ZDHHC14: variants seen among roughly 807,000 people sequenced by gnomAD.
The protein encoded by ZDHHC14 is zDHHC palmitoyltransferase 14, also known as palmitoyltransferase ZDHHC14.
Under a neutral mutation model 47.7 loss-of-function variants are expected in ZDHHC14, and 16 were observed. The ratio of observed to expected loss-of-function variants is 0.34; its 90% confidence interval spans 0.23 to 0.51. The LOEUF is 0.51. ZDHHC14 is among the 20% of genes least tolerant of loss of function. The pLI is 0.97. For missense variants in ZDHHC14, 515 were observed against 662.5 expected, an observed-to-expected ratio of 0.78 and a Z score of 2.44; for synonymous variants, 293 against 278.9, an observed-to-expected ratio of 1.05 and a Z score of -0.50.
At position 157,673,059 on chromosome 6, in the gene ZDHHC14, G is replaced by T. The variant is rs1387664292; in HGVS notation, c.1404G>T (p.Leu468=). The T allele has an allele frequency of 6.4e-7, 1 of 1,568,812 alleles. No individual in the cohort carries two copies. The highest frequency in any genetic ancestry group is 8.6e-7 in the Non-Finnish European group (1 of 1,164,960). Residue 468 remains leucine, a synonymous_variant, in exon 9 of 9, where the codon CTG becomes CTT. Transcript: ENST00000359775. This position sits in a 1 kb window ranked among gnomAD's most constrained non-coding sequence, Gnocchi z 5.4. The part of the protein sequence containing the change: ...AHSRTMHVLG[L]ASQDSLHEDS... Reference sequence around the variant, plus strand: ...GCCGCACCATGCACGTGCTGGGCCTGGCCAGCCAGGACTCCCTGCATGAGG... The same window carrying T: ...GCCGCACCATGCACGTGCTGGGCCTTGCCAGCCAGGACTCCCTGCATGAGG...
chr6:157,626,674 CTA>C (rs945173498), intron 3 of ZDHHC14, among the ~76,000 whole-genome samples: 1 of 152,136 alleles, frequency 6.6e-6, no homozygotes, highest in Non-Finnish European at 1.5e-5. Flanking sequence ...TGATACATCA[CTA>C]TCATGCAACG....
chr6:157,593,175 G>A (rs1188594475), intron 3 of ZDHHC14, 29 bp downstream of exon 3: 1 of 1,589,878 alleles, frequency 6.3e-7, no homozygotes, highest in Admixed American at 1.8e-5. Context: ...GAGCCTGGCG[G>A]GAGCCCGGGT....
intron 1 of ZDHHC14, among the ~76,000 whole-genome samples, chr6:157,460,755 G>A (rs1004142763): frequency 6.6e-6 from 1 of 152,158 alleles, no homozygotes. Context: ...CTAACACTGG[G>A]CCCCGTGTGG....
chr6:157,623,226 T>C (rs1458251352), intron 3 of ZDHHC14, among the ~76,000 whole-genome samples: 1 of 152,164 alleles, frequency 6.6e-6, no homozygotes, highest in Non-Finnish European at 1.5e-5. Flanking sequence ...AATCCCCATG[T>C]GTGGTGGGAG....
intron 3 of ZDHHC14, among the ~76,000 whole-genome samples, chr6:157,604,815 A>T (rs925629834): frequency 4.6e-5 from 7 of 152,158 alleles, no homozygotes; most frequent in African/African-American, 1.7e-4. Flanking sequence ...AAATGCTGGG[A>T]TTACAGGTGT....
chr6:157,405,462 G>C (rs1484953059), intron 1 of ZDHHC14, among the ~76,000 whole-genome samples: 2 of 152,198 alleles, frequency 1.3e-5, no homozygotes, highest in Non-Finnish European at 2.9e-5. Context: ...TCGATCTCCT[G>C]ACCTCGTGAT....
chr6:157,384,455 G>A (rs962605453), intron 1 of ZDHHC14, among the ~76,000 whole-genome samples: 1 of 152,182 alleles, frequency 6.6e-6, no homozygotes, highest in African/African-American at 2.4e-5. Context: ...ACTGATGACT[G>A]TAGGAATAAA....
At chr6:157,522,672 C>CA (rs1173134286) in intron 1 of ZDHHC14, among the ~76,000 whole-genome samples, 1 of 148,128 alleles carries the variant, frequency 6.8e-6, no homozygotes, top group Non-Finnish European at 1.5e-5. Context: ...TTTATTATTT[C>CA]AAAAGCCTAC....
chr6:157,382,408 T>C, intron 1 of ZDHHC14, 142 bp downstream of exon 1: 1 of 1,067,238 alleles, frequency 9.4e-7, no homozygotes, highest in Non-Finnish European at 1.3e-6. Context: ...CCCTCTTTTT[T>C]CTTTTAAAGG....
intron 3 of ZDHHC14, among the ~76,000 whole-genome samples, chr6:157,623,434 GC>G (rs1785273301): frequency 6.6e-6 from 1 of 151,790 alleles, no homozygotes; most frequent in African/African-American, 2.4e-5. Context: ...GTTTCCTGAA[GC>G]CTTGCCAGCC....
intron 2 of ZDHHC14, among the ~76,000 whole-genome samples, chr6:157,546,848 C>T (rs1223100749): frequency 6.6e-6 from 1 of 152,214 alleles, no homozygotes; most frequent in East Asian, 1.9e-4. Context: ...CAGGTTTCGT[C>T]TCTTCCCACC....
At chr6:157,471,158 C>T (rs1198339034) in intron 1 of ZDHHC14, among the ~76,000 whole-genome samples, 1 of 152,240 alleles carries the variant, frequency 6.6e-6, no homozygotes, top group African/African-American at 2.4e-5. Context: ...TAATTTAAAG[C>T]TCAGATACTC....
At chr6:157,595,371 T>C (rs368312969) in intron 3 of ZDHHC14, among the ~76,000 whole-genome samples, 1 of 151,890 alleles carries the variant, frequency 6.6e-6, no homozygotes, top group African/African-American at 2.4e-5. Flanking sequence ...TTTTTGTATT[T>C]TTCTTAGAGA....
At chr6:157,627,989 G>C (rs1295230577) in intron 3 of ZDHHC14, among the ~76,000 whole-genome samples, 1 of 152,148 alleles carries the variant, frequency 6.6e-6, no homozygotes, top group South Asian at 2.1e-4. Flanking sequence ...AGGCGGTGTT[G>C]GTTCCCTCTT....
chr6:157,413,066 G>A (rs769735107), intron 1 of ZDHHC14, among the ~76,000 whole-genome samples: 3 of 152,218 alleles, frequency 2.0e-5, no homozygotes, highest in Non-Finnish European at 2.9e-5. Context: ...TCTTGGAAGT[G>A]AGGGAGACGG....
intron 1 of ZDHHC14, among the ~76,000 whole-genome samples, chr6:157,425,818 T>A (rs995163468): frequency 1.3e-5 from 2 of 152,156 alleles, no homozygotes; most frequent in African/African-American, 4.8e-5. Flanking sequence ...ACACCGGCTG[T>A]CTTGTAGCTT....
At chr6:157,548,835 C>A (rs1217474640) in intron 2 of ZDHHC14, among the ~76,000 whole-genome samples, 5 of 152,180 alleles carry the variant, frequency 3.3e-5, no homozygotes, top group Non-Finnish European at 5.9e-5. Context: ...TACCTGTGAC[C>A]ATGAAATGAA....
intron 1 of ZDHHC14, among the ~76,000 whole-genome samples, chr6:157,382,679 CT>C (rs1172497867): frequency 6.6e-6 from 1 of 152,204 alleles, no homozygotes; most frequent in Non-Finnish European, 1.5e-5. Context: ...ATGGAACTGA[CT>C]TTTTCCCCCT....
At chr6:157,643,999 ATTTC>A (rs1777391492) in intron 5 of ZDHHC14, among the ~76,000 whole-genome samples, 1 of 151,906 alleles carries the variant, frequency 6.6e-6, no homozygotes, top group South Asian at 2.1e-4. Flanking sequence ...TACCCTGGCT[ATTTC>A]TTGTTTCCGT....
Sources: allele counts gnomAD v4.1 joint callset (sites outside exome capture counted in the v4.1 genomes callset), GRCh38; gene constraint gnomAD v4.1.1; non-coding constraint Gnocchi (gnomAD v3.1); transcripts MANE v1.5; gene names NCBI Gene and HGNC (gene_info 2026-07-23, HGNC 2026-07-21).